The following AGMO variants were observed in gnomAD, a reference collection of about 807,000 sequenced individuals.
AGMO encodes the protein glyceryl-ether monooxygenase.
Under a neutral mutation model 60.2 loss-of-function variants are expected in AGMO, and 75 were observed. The observed-to-expected ratio is 1.25, with a 90% CI of 1.03 to 1.51. The LOEUF (loss-of-function observed/expected upper bound fraction) is 1.51. AGMO is among the 40% of genes most tolerant of loss of function. The pLI, the probability that AGMO is intolerant of heterozygous loss-of-function variation, is 0.00. For missense variants in AGMO, 763 were observed against 525.5 expected (o/e 1.45, Z -4.42); for synonymous variants, 261 against 177.1 (o/e 1.47, Z -3.76).
chr7:15,246,143 T>C lies in AGMO; in HGVS notation c.1264-44784A>G, dbSNP rs1282895972. Among the ~76,000 whole-genome samples the C allele has an allele frequency of 2.0e-5, 3 of 152,204 alleles. No homozygotes were observed. In the East Asian group the frequency reaches 5.8e-4, roughly 29 times the overall value. On this transcript the variant is annotated intron_variant, in intron 12 of 12. Transcript: ENST00000342526. ...CATGTAATAATTCAAACTACATTTTTAGGGATTAAGTTTTATGCCAAAGTG... is the reference window on the plus strand; with the variant it reads ...CATGTAATAATTCAAACTACATTTTCAGGGATTAAGTTTTATGCCAAAGTG...
chr7:15,527,757 G>A (rs896641141), intron 3 of AGMO, among the ~76,000 whole-genome samples: 8 of 152,092 alleles, frequency 5.3e-5, no homozygotes, highest in Non-Finnish European at 1.0e-4. Context: ...ACAGGTGGTG[G>A]CTTTAAGATG....
In AGMO at chr7:15,431,047, G is replaced by C. The variant is rs1184174322; in HGVS notation, c.471C>G (p.Ser157=). The C allele has an allele frequency of 2.5e-6, 4 of 1,610,456 alleles. No individual in the cohort carries two copies. Among genetic ancestry groups the C allele is most frequent in the Admixed American group, 1.7e-5 (1 of 59,748 alleles). The change falls in exon 4 of 13, where the codon TCC becomes TCG. Residue 157 remains serine (S), a synonymous_variant. Coordinates refer to ENST00000342526, the MANE Select transcript of AGMO (RefSeq NM_001004320.2). ...THHSSEDYNL[S]TALRQSVLQI... ...GGAGGACAGACTGTCTCAGTGCTGT[G>C]GATAAGTTATAGTCTTCAGAACTAT...
intron 10 of AGMO, 126 bp from the exon 11 acceptor site, chr7:15,366,348 C>T: frequency 1.8e-6 from 1 of 568,102 alleles, no homozygotes; most frequent in South Asian, 3.0e-5. Flanking sequence ...TGACACTTTA[C>T]AGAAAGCTTG....
chr7:15,369,857 T>C (rs533944397), intron 10 of AGMO, among the ~76,000 whole-genome samples: 1 of 152,296 alleles, frequency 6.6e-6, no homozygotes, highest in Admixed American at 6.5e-5. Flanking sequence ...TTAAATGTTA[T>C]TACATTGCTA....
chr7:15,337,757 T>G (rs1013108201), intron 12 of AGMO, among the ~76,000 whole-genome samples: 4 of 152,196 alleles, frequency 2.6e-5, no homozygotes, highest in Non-Finnish European at 5.9e-5. Flanking sequence ...TGCTTCTGAG[T>G]GCAGCGACTG....
intron 3 of AGMO, among the ~76,000 whole-genome samples, chr7:15,532,820 A>G (rs1016950385): frequency 5.9e-5 from 9 of 152,072 alleles, no homozygotes; most frequent in Admixed American, 5.2e-4. Context: ...GTGAGACCCC[A>G]TCTCTACAAA....
chr7:15,296,238 G>C (rs1025106100), intron 12 of AGMO, among the ~76,000 whole-genome samples: 3 of 152,084 alleles, frequency 2.0e-5, no homozygotes, highest in African/African-American at 7.2e-5. Flanking sequence ...GCTAATGTCA[G>C]AGATAGAGGT....
chr7:15,500,234 T>C (rs1783345810), intron 3 of AGMO, among the ~76,000 whole-genome samples: 1 of 151,882 alleles, frequency 6.6e-6, no homozygotes, highest in African/African-American at 2.4e-5. Context: ...TTATTTCTAG[T>C]GCTTTTAAAC....
chr7:15,286,585 T>C (rs376331144), intron 12 of AGMO, among the ~76,000 whole-genome samples: 1 of 152,132 alleles, frequency 6.6e-6, no homozygotes. Context: ...TAGATGTTTG[T>C]GCAGGTATGG....
At chr7:15,141,305 G>C in the AGMO span, among the ~76,000 whole-genome samples, 2 of 152,036 alleles carry the variant, frequency 1.3e-5, no homozygotes, top group South Asian at 4.1e-4. Flanking sequence ...ATGTGTTGGC[G>C]GGGCACGGTG....
the AGMO span, among the ~76,000 whole-genome samples, chr7:15,137,377 A>G: frequency 6.6e-6 from 1 of 152,022 alleles, no homozygotes; most frequent in Admixed American, 6.6e-5. Context: ...TTTGATTTTT[A>G]TTTGTTATTT....
In AGMO at chr7:15,244,543, T is replaced by C. The variant is rs781349937; in HGVS notation, c.1264-43184A>G. ...AAAGAACGCAAATCTTTATATTCTA[T>C]AGAAATAATGGTGTACTATAAACAG... On this transcript the variant is annotated intron_variant, in intron 12 of 12. Coordinates refer to ENST00000342526, the MANE Select transcript of AGMO (RefSeq NM_001004320.2). Among the ~76,000 whole-genome samples, 13 of 152,218 alleles carry C rather than the reference T, an allele frequency of 8.5e-5. 1 individual carries two copies. In the South Asian group the frequency reaches 1.4e-3, roughly 17 times the overall value.
At chr7:15,321,022 C>T (rs1034667730) in intron 12 of AGMO, among the ~76,000 whole-genome samples, 9 of 152,132 alleles carry the variant, frequency 5.9e-5, no homozygotes, top group African/African-American at 1.9e-4. Context: ...AATACACAGA[C>T]AGAGACAGAA....
At chr7:15,446,473 G>A (rs1781701502) in intron 3 of AGMO, among the ~76,000 whole-genome samples, 1 of 152,116 alleles carries the variant, frequency 6.6e-6, no homozygotes. Flanking sequence ...ATTTGACGCT[G>A]CACACCATGT....
chr7:15,360,569 T>A (rs1650874680), intron 12 of AGMO, among the ~76,000 whole-genome samples: 1 of 152,044 alleles, frequency 6.6e-6, no homozygotes, highest in African/African-American at 2.4e-5. Flanking sequence ...CATCTTCATG[T>A]TAAGTAGTCT....
chr7:15,261,223 G>A (rs558760706), intron 12 of AGMO, among the ~76,000 whole-genome samples: 94 of 152,062 alleles, frequency 6.2e-4, no homozygotes, highest in African/African-American at 1.9e-3. Flanking sequence ...CCAAAAGCTT[G>A]TTTTTGAAAA....
At chr7:15,280,943 A>C (rs1783947815) in intron 12 of AGMO, among the ~76,000 whole-genome samples, 1 of 152,182 alleles carries the variant, frequency 6.6e-6, no homozygotes, top group Non-Finnish European at 1.5e-5. Context: ...AGGATAGGTC[A>C]CATCACTGGA....
At chr7:15,291,629 C>T (rs1176584250) in intron 12 of AGMO, among the ~76,000 whole-genome samples, 2 of 152,060 alleles carry the variant, frequency 1.3e-5, no homozygotes, top group Non-Finnish European at 2.9e-5. Flanking sequence ...AACTGAAAAG[C>T]TTTTTGATGC....
chr7:15,297,473 T>C (rs990147704), intron 12 of AGMO, among the ~76,000 whole-genome samples: 2 of 152,140 alleles, frequency 1.3e-5, no homozygotes, highest in Admixed American at 6.6e-5. Flanking sequence ...TAATGACTCA[T>C]GAGTGCTTGC....
Sources: allele counts gnomAD v4.1 joint callset (sites outside exome capture counted in the v4.1 genomes callset), GRCh38; gene constraint gnomAD v4.1.1; transcripts MANE v1.5; gene names NCBI Gene and HGNC (gene_info 2026-07-23, HGNC 2026-07-21).